The following TLL1 variants were observed in gnomAD, a reference collection of about 807,000 sequenced individuals.
TLL1 encodes the protein tolloid-like protein 1.
In TLL1, 49 loss-of-function variants were observed where a neutral mutation model predicts 128.2. The observed-to-expected ratio is 0.38, with a 90% CI of 0.30 to 0.48. TLL1 has a LOEUF of 0.48. TLL1 is among the 20% of genes least tolerant of loss of function. The pLI is 0.96. For missense variants in TLL1, 1,123 were observed against 1,242.0 expected, an observed-to-expected ratio of 0.90 and a Z score of 1.44; for synonymous variants, 454 against 418.8, an observed-to-expected ratio of 1.08 and a Z score of -1.03.
At chr4:166,094,457 C>A (rs930310348) in intron 19 of TLL1, among the ~76,000 whole-genome samples, 1 of 151,494 alleles carries the variant, frequency 6.6e-6, no homozygotes, top group African/African-American at 2.4e-5. Context: ...TGACTAGGCT[C>A]ATTTTATTTC....
chr4:165,904,983 G>A (rs756722116), intron 1 of TLL1, among the ~76,000 whole-genome samples: 8 of 152,232 alleles, frequency 5.3e-5, no homozygotes, highest in South Asian at 2.1e-4. Flanking sequence ...CTATTAGAAC[G>A]TCTCAGATAG....
intron 9 of TLL1, among the ~76,000 whole-genome samples, chr4:166,027,216 T>G (rs1393433757): frequency 2.0e-5 from 3 of 151,766 alleles, no homozygotes; most frequent in African/African-American, 7.3e-5. Flanking sequence ...AACATGGGAG[T>G]AATAGACACT....
At chr4:165,974,557 C>A (rs1386516257) in intron 1 of TLL1, among the ~76,000 whole-genome samples, 2 of 152,236 alleles carry the variant, frequency 1.3e-5, no homozygotes, top group Non-Finnish European at 1.5e-5. Context: ...TGTGACCAAT[C>A]TTTTGTTAAC....
intron 1 of TLL1, among the ~76,000 whole-genome samples, chr4:165,876,631 G>A (rs1730735566): frequency 6.6e-6 from 1 of 152,202 alleles, no homozygotes; most frequent in African/African-American, 2.4e-5. Context: ...ATATGGTAGA[G>A]TTTGTTACTC....
rs1184184883 is a variant in TLL1, at chr4:165,961,443, A to G, written c.170-27938A>G. ...TGATTCCTGTCAAACTGCCAATGTC[A>G]TTTTTCACTGAATTAGAAAAAACTA... On this transcript the variant is annotated intron_variant, in intron 1 of 20. Coordinates refer to ENST00000061240, the MANE Select transcript of TLL1 (RefSeq NM_012464.5). Among the ~76,000 whole-genome samples, 3 of 152,092 alleles carry G rather than the reference A, an allele frequency of 2.0e-5. No homozygotes were observed. The East Asian group carries it at 5.8e-4, about 29-fold the overall frequency.
intron 12 of TLL1, among the ~76,000 whole-genome samples, chr4:166,053,694 A>T (rs181145913): frequency 4.0e-4 from 61 of 152,286 alleles, no homozygotes; most frequent in African/African-American, 1.4e-3. Context: ...TTCAAGTTGC[A>T]GTTCCATGGA....
chr4:166,007,917 A>G (rs768677648), intron 6 of TLL1, 26 bp from the exon 7 acceptor site: 21 of 1,487,378 alleles, frequency 1.4e-5, no homozygotes, highest in East Asian at 1.1e-4. Flanking sequence ...AAGGCTTCTG[A>G]GATTTTGTTT....
intron 19 of TLL1, among the ~76,000 whole-genome samples, chr4:166,098,334 C>A (rs1414342960): frequency 1.7e-3 from 189 of 110,370 alleles, no homozygotes; most frequent in African/African-American, 2.8e-3. Flanking sequence ...GAGTTCTTCT[C>A]AAAAAAAAAA....
intron 9 of TLL1, among the ~76,000 whole-genome samples, chr4:166,026,767 G>T (rs1388025033): frequency 6.6e-6 from 1 of 151,564 alleles, no homozygotes; most frequent in Non-Finnish European, 1.5e-5. Context: ...GAATAATAGA[G>T]AAAGCACAAT....
chr4:166,068,606 A>G (rs371913327), intron 16 of TLL1, among the ~76,000 whole-genome samples: 2 of 151,914 alleles, frequency 1.3e-5, no homozygotes, highest in East Asian at 1.9e-4. Flanking sequence ...GAAATTTGGC[A>G]TAGAAATCAA....
intron 1 of TLL1, among the ~76,000 whole-genome samples, chr4:165,944,835 T>C (rs991356403): frequency 6.6e-6 from 1 of 152,086 alleles, no homozygotes; most frequent in African/African-American, 2.4e-5. Context: ...GGGTAGTAGA[T>C]CAAAAGATTT....
At chr4:165,879,057 G>A (rs948814718) in intron 1 of TLL1, among the ~76,000 whole-genome samples, 1 of 149,078 alleles carries the variant, frequency 6.7e-6, no homozygotes, top group Non-Finnish European at 1.5e-5. Flanking sequence ...AGCCTCTGTA[G>A]CAGCTAGGAC....
At chr4:165,897,401 T>C (rs910117298) in intron 1 of TLL1, among the ~76,000 whole-genome samples, 11 of 152,224 alleles carry the variant, frequency 7.2e-5, no homozygotes, top group Admixed American at 5.9e-4. Context: ...TTAAGTTTTG[T>C]ATAAGGTGTA....
intron 1 of TLL1, among the ~76,000 whole-genome samples, chr4:165,878,409 G>A (rs191882881): frequency 4.0e-5 from 6 of 151,168 alleles, no homozygotes; most frequent in African/African-American, 1.2e-4. Flanking sequence ...CTCAGAAGTC[G>A]CCAAAATACA....
At chr4:166,030,762 G>T (rs1014892030) in intron 9 of TLL1, 1 of 1,117,578 alleles carries the variant, frequency 8.9e-7, no homozygotes, top group Non-Finnish European at 1.1e-6. Context: ...CAGCATTCCT[G>T]CTCATGTTTC....
intron 1 of TLL1, among the ~76,000 whole-genome samples, chr4:165,902,111 C>T (rs913404845): frequency 6.6e-5 from 10 of 152,078 alleles, no homozygotes; most frequent in African/African-American, 1.7e-4. Flanking sequence ...GCTTGAGCAT[C>T]CCAGGTTGAC....
At chr4:165,919,381 T>TC (rs1732927299) in intron 1 of TLL1, among the ~76,000 whole-genome samples, 1 of 116,978 alleles carries the variant, frequency 8.5e-6, no homozygotes, top group Admixed American at 8.9e-5. Context: ...AGACCCTGCT[T>TC]CAAAAAAAAA....
chr4:166,064,401 G>A (rs1461909609), intron 15 of TLL1, among the ~76,000 whole-genome samples: 1 of 152,030 alleles, frequency 6.6e-6, no homozygotes, highest in East Asian at 1.9e-4. Context: ...GAGAAAGCAG[G>A]GGAGATGGTT....
At chr4:165,900,463 G>A (rs1030237270) in intron 1 of TLL1, among the ~76,000 whole-genome samples, 11 of 152,140 alleles carry the variant, frequency 7.2e-5, no homozygotes, top group Admixed American at 3.9e-4. Flanking sequence ...TTGCTCGTCT[G>A]TAAAGGATTT....
Sources: allele counts gnomAD v4.1 joint callset (sites outside exome capture counted in the v4.1 genomes callset), GRCh38; gene constraint gnomAD v4.1.1; transcripts MANE v1.5; gene names NCBI Gene and HGNC (gene_info 2026-07-23, HGNC 2026-07-21).